Variants in ZNF804B observed in about 807,000 individuals in gnomAD.
ZNF804B encodes zinc finger protein 804B.
In ZNF804B, 80 loss-of-function variants were observed where a neutral mutation model predicts 101.4. The observed-to-expected ratio is 0.79, with a 90% CI of 0.66 to 0.95. The LOEUF is 0.95. Among genes scored for constraint, ZNF804B ranks in the 40% least tolerant of loss-of-function variants. The probability of loss-of-function intolerance (pLI) is 0.00; values close to 1 mark genes in which losing one functional copy is unlikely to be tolerated. For missense variants in ZNF804B, 1,673 were observed against 1,561.9 expected (o/e 1.07, Z -1.20); for synonymous variants, 622 against 558.8 (o/e 1.11, Z -1.59).
At chr7:88,975,853 C>A (rs575498723) in intron 1 of ZNF804B, among the ~76,000 whole-genome samples, 2 of 151,580 alleles carry the variant, frequency 1.3e-5, no homozygotes, top group South Asian at 4.1e-4. Context: ...GCAACCAAAT[C>A]CAGTGTCCTG....
In ZNF804B at chr7:88,858,262, C is replaced by T. The variant is rs573815645; in HGVS notation, c.108+98178C>T. Among the ~76,000 whole-genome samples, 83 of 152,274 alleles carry T rather than the reference C, an allele frequency of 5.5e-4. 1 individual carries two copies. The highest frequency in any genetic ancestry group is 1.7e-3 in the African/African-American group (72 of 41,556). ...TTGCTGGGTATTACTTTCCTAGTTT[C>T]CTTTCTTCAAGGTACTTTCACCAAC... On this transcript the variant is annotated intron_variant, in intron 1 of 3. Transcript: ENST00000333190.
chr7:89,207,524 T>A (rs541047323), intron 1 of ZNF804B, among the ~76,000 whole-genome samples: 1 of 152,304 alleles, frequency 6.6e-6, no homozygotes, highest in East Asian at 1.9e-4. Flanking sequence ...TGGGGATTAT[T>A]ACAATTCAAG....
chr7:88,843,962 A>T (rs529148367), intron 1 of ZNF804B, among the ~76,000 whole-genome samples: 1 of 152,278 alleles, frequency 6.6e-6, no homozygotes, highest in South Asian at 2.1e-4. Context: ...AAAATTGTTT[A>T]TAAAGATTAA....
At chr7:88,809,323 CTATCT>C (rs1388304435) in intron 1 of ZNF804B, among the ~76,000 whole-genome samples, 1 of 115,804 alleles carries the variant, frequency 8.6e-6, no homozygotes, top group Admixed American at 9.4e-5. Context: ...ATCTATCTAT[CTATCT>C]ATCTATCTAT....
intron 1 of ZNF804B, among the ~76,000 whole-genome samples, chr7:88,924,037 T>G (rs1792760187): frequency 6.6e-6 from 1 of 152,260 alleles, no homozygotes; most frequent in South Asian, 2.1e-4. Flanking sequence ...ATAAACACAT[T>G]TCCAACTGGC....
intron 1 of ZNF804B, among the ~76,000 whole-genome samples, chr7:89,180,013 T>G (rs1788273181): frequency 6.6e-6 from 1 of 152,170 alleles, no homozygotes; most frequent in South Asian, 2.1e-4. Context: ...CTGAGTCTCT[T>G]TCTCCATGCT....
intron 1 of ZNF804B, among the ~76,000 whole-genome samples, chr7:89,115,981 T>A (rs1330390123): frequency 3.3e-5 from 5 of 151,870 alleles, no homozygotes; most frequent in Admixed American, 6.6e-5. Flanking sequence ...CTTGGCTTAC[T>A]GCAGCTTCGA....
intron 1 of ZNF804B, among the ~76,000 whole-genome samples, chr7:89,140,213 A>G (rs1303238146): frequency 6.6e-6 from 1 of 151,998 alleles, no homozygotes; most frequent in Non-Finnish European, 1.5e-5. Context: ...ATGCTGTAAA[A>G]AGTTGTGTTG....
At chr7:89,178,847 C>T (rs1431028960) in intron 1 of ZNF804B, among the ~76,000 whole-genome samples, 3 of 152,128 alleles carry the variant, frequency 2.0e-5, no homozygotes, top group East Asian at 1.9e-4. Context: ...TCCTGCAGAA[C>T]AGGTCTCCTG....
intron 2 of ZNF804B, among the ~76,000 whole-genome samples, chr7:89,233,406 T>C (rs1237219770): frequency 1.3e-5 from 2 of 149,074 alleles, no homozygotes; most frequent in Non-Finnish European, 3.0e-5. Context: ...AATAAATATA[T>C]AATGTATTTT....
chr7:88,995,836 C>T (rs1342539033), intron 1 of ZNF804B, among the ~76,000 whole-genome samples: 5 of 151,946 alleles, frequency 3.3e-5, no homozygotes, highest in Non-Finnish European at 7.4e-5. Flanking sequence ...GAATTTTTAC[C>T]TCTGTTGTCC....
chr7:88,934,215 A>G (rs1039793162), intron 1 of ZNF804B, among the ~76,000 whole-genome samples: 2 of 152,152 alleles, frequency 1.3e-5, no homozygotes, highest in African/African-American at 2.4e-5. Flanking sequence ...AGCCACATGT[A>G]GATAAATATA....
chr7:88,818,670 G>C (rs1790924419), intron 1 of ZNF804B, among the ~76,000 whole-genome samples: 1 of 152,162 alleles, frequency 6.6e-6, no homozygotes, highest in African/African-American at 2.4e-5. Context: ...TAGGATATAG[G>C]AAAAATAAAC....
At chr7:89,275,493 T>G (rs187972650) in intron 2 of ZNF804B, among the ~76,000 whole-genome samples, 12 of 151,998 alleles carry the variant, frequency 7.9e-5, no homozygotes, top group Admixed American at 3.9e-4. Flanking sequence ...TTGAATCCAG[T>G]GCTGGCTAGA....
chr7:89,125,084 A>G (rs1244630967), intron 1 of ZNF804B, among the ~76,000 whole-genome samples: 2 of 149,844 alleles, frequency 1.3e-5, no homozygotes, highest in Admixed American at 6.7e-5. Context: ...GTGTGTCAAT[A>G]TGACAGATGT....
intron 1 of ZNF804B, among the ~76,000 whole-genome samples, chr7:88,784,801 G>A (rs925539237): frequency 1.3e-5 from 2 of 152,062 alleles, no homozygotes; most frequent in Admixed American, 6.6e-5. Context: ...TTGACTTTGA[G>A]GCAGAAATTG....
At chr7:88,809,976 A>G (rs181802617) in intron 1 of ZNF804B, among the ~76,000 whole-genome samples, 3 of 152,342 alleles carry the variant, frequency 2.0e-5, no homozygotes, top group Admixed American at 1.3e-4. Context: ...TTATTGTTTT[A>G]TATGACACAG....
At chr7:89,192,258 C>T (rs1173945203) in intron 1 of ZNF804B, among the ~76,000 whole-genome samples, 1 of 151,774 alleles carries the variant, frequency 6.6e-6, no homozygotes, top group Non-Finnish European at 1.5e-5. Context: ...TTTTAAAATT[C>T]CTTCCTTCTC....
intron 2 of ZNF804B, among the ~76,000 whole-genome samples, chr7:89,244,177 C>A (rs1789411062): frequency 6.6e-6 from 1 of 151,922 alleles, no homozygotes; most frequent in Admixed American, 6.6e-5. Flanking sequence ...ATGCTGTTTT[C>A]AACATTGTAA....
Sources: allele counts gnomAD v4.1 joint callset (sites outside exome capture counted in the v4.1 genomes callset), GRCh38; gene constraint gnomAD v4.1.1; transcripts MANE v1.5; gene names NCBI Gene and HGNC (gene_info 2026-07-23, HGNC 2026-07-21).